IPO11: variants seen among roughly 807,000 people sequenced by gnomAD.
IPO11 encodes the protein importin-11.
A neutral mutation model predicts 143.2 loss-of-function variants in IPO11; 66 were observed. The observed-to-expected ratio is 0.46, with a 90% CI of 0.38 to 0.57. IPO11 has a LOEUF of 0.57. Ranked by LOEUF, IPO11 falls within the 20% of genes least tolerant of loss-of-function variation. The probability of loss-of-function intolerance (pLI) is 0.00; values close to 1 mark genes in which losing one functional copy is unlikely to be tolerated. For synonymous variants in IPO11, 385 were observed against 377.8 expected (o/e 1.02, Z -0.22); for missense variants, 1,026 against 1,141.0 (o/e 0.90, Z 1.45).
At chr5:62,560,585 A>G (rs999587428) in intron 26 of IPO11, 4 of 152,304 alleles carry the variant, frequency 2.6e-5, no homozygotes, top group African/African-American at 7.2e-5. Context: ...GAGTTTATAC[A>G]TAAAATTAGC....
chr5:62,495,828 G>A (rs575233828), intron 16 of IPO11, among the ~76,000 whole-genome samples: 3 of 152,212 alleles, frequency 2.0e-5, no homozygotes, highest in South Asian at 4.2e-4. Context: ...AAAGGAAAGA[G>A]AAAAATGAAT....
At chr5:62,563,359 G>A (rs1242070870) in intron 27 of IPO11, among the ~76,000 whole-genome samples, 3 of 152,146 alleles carry the variant, frequency 2.0e-5, no homozygotes, top group African/African-American at 7.2e-5. Flanking sequence ...AAAGTACTGA[G>A]ATTATTGAAA....
Position 62,598,411 on chromosome 5 carries a change from T to G in IPO11, c.2679-3353T>G, listed in dbSNP as rs1425067044. On this transcript the variant is annotated intron_variant, in intron 28 of 29. Transcript: ENST00000325324. ...TGCTTGCTTTCTTTCTTTCTTTCTTTCTTTCTTTCTTTCTTTCTTTCTCTC... is the reference window on the plus strand; with the variant it reads ...TGCTTGCTTTCTTTCTTTCTTTCTTGCTTTCTTTCTTTCTTTCTTTCTCTC... Among the ~76,000 whole-genome samples the G allele has an allele frequency of 1.8e-3, 19 of 10,820 alleles. 1 individual carries two copies. The East Asian group carries it at 0.023, about 13-fold the overall frequency. The allele number at this position is 10,820 out of a possible 152,430, so 7.1% of individuals were successfully genotyped here.
intron 1 of IPO11, among the ~76,000 whole-genome samples, chr5:62,420,028 C>G (rs80253772): frequency 1.3e-5 from 2 of 152,024 alleles, no homozygotes; most frequent in Admixed American, 6.6e-5. Context: ...TGGTGGCTCA[C>G]GCCTGTAATC....
chr5:62,467,689 A>G (rs2112193946), intron 6 of IPO11, among the ~76,000 whole-genome samples: 1 of 152,134 alleles, frequency 6.6e-6, no homozygotes, highest in Non-Finnish European at 1.5e-5. Flanking sequence ...CTTTCATCTT[A>G]GTGCCTCAGG....
chr5:62,624,410 GC>G (rs1746486848), intron 29 of IPO11, among the ~76,000 whole-genome samples: 1 of 152,208 alleles, frequency 6.6e-6, no homozygotes, highest in Non-Finnish European at 1.5e-5. Flanking sequence ...TACCACCATG[GC>G]ATTTGTAAAC....
At chr5:62,620,466 C>T (rs1364412166) in intron 29 of IPO11, among the ~76,000 whole-genome samples, 1 of 147,674 alleles carries the variant, frequency 6.8e-6, no homozygotes, top group Admixed American at 6.9e-5. Context: ...TTGCGGTGAG[C>T]CAAGATTGTG....
At chr5:62,491,453 C>T (rs1462883187) in intron 15 of IPO11, among the ~76,000 whole-genome samples, 3 of 152,056 alleles carry the variant, frequency 2.0e-5, no homozygotes, top group Non-Finnish European at 2.9e-5. Context: ...TCCTTAAACC[C>T]TAGAGGCTAT....
chr5:62,417,414 T>C (rs1001226017), intron 1 of IPO11, among the ~76,000 whole-genome samples: 2 of 150,148 alleles, frequency 1.3e-5, no homozygotes, highest in East Asian at 2.0e-4. Flanking sequence ...ACCATTGATA[T>C]CTTTGTTGCT....
intron 27 of IPO11, among the ~76,000 whole-genome samples, chr5:62,571,908 A>C (rs530237599): frequency 1.3e-5 from 2 of 151,606 alleles, no homozygotes; most frequent in South Asian, 4.2e-4. Flanking sequence ...CTGGTCTTCA[A>C]CTCCTGACCT....
chr5:62,414,660 A>G (rs1172818142), intron 1 of IPO11, among the ~76,000 whole-genome samples: 2 of 152,208 alleles, frequency 1.3e-5, no homozygotes, highest in Non-Finnish European at 2.9e-5. Flanking sequence ...ATTGTGGTAT[A>G]TAGCATCACC....
At chr5:62,479,202 T>C (rs1746090206) in intron 9 of IPO11, among the ~76,000 whole-genome samples, 2 of 152,202 alleles carry the variant, frequency 1.3e-5, no homozygotes, top group African/African-American at 4.8e-5. Context: ...TTTTCCGTCC[T>C]TGCGATAGTA....
chr5:62,474,960 G>A (rs753081410), intron 8 of IPO11, among the ~76,000 whole-genome samples: 5 of 152,124 alleles, frequency 3.3e-5, no homozygotes, highest in African/African-American at 4.8e-5. Context: ...ACTCAGAATG[G>A]TGCACAATTG....
At chr5:62,565,541 A>G (rs930842418) in intron 27 of IPO11, among the ~76,000 whole-genome samples, 1 of 152,214 alleles carries the variant, frequency 6.6e-6, no homozygotes, top group South Asian at 2.1e-4. Flanking sequence ...TTATGAAGAA[A>G]AGAAACAAAC....
chr5:62,526,280 A>G (rs1268702480), intron 21 of IPO11, 23 bp downstream of exon 21: 6 of 1,478,326 alleles, frequency 4.1e-6, no homozygotes, highest in Non-Finnish European at 4.7e-6. Context: ...ACTTAATACC[A>G]TGGATCTTAT....
rs1232793166 is a variant in IPO11, at chr5:62,495,418, G to A, written c.1590+1294G>A. Among the ~76,000 whole-genome samples the A allele has an allele frequency of 2.6e-5, 4 of 152,278 alleles. No homozygotes were observed. In the East Asian group the frequency reaches 7.7e-4, roughly 29 times the overall value. On this transcript the variant is annotated intron_variant, in intron 16 of 29. Coordinates refer to ENST00000325324, the MANE Select transcript of IPO11 (RefSeq NM_016338.5). ...TGATTTATGGATGTGTTACAAAAGG[G>A]TTAAATTTCAATTAAGTTTTCTTTG...
At chr5:62,499,846 T>TA (rs1455320600) in intron 16 of IPO11, among the ~76,000 whole-genome samples, 1 of 152,220 alleles carries the variant, frequency 6.6e-6, no homozygotes, top group Non-Finnish European at 1.5e-5. Flanking sequence ...TCTTAAAATC[T>TA]AAATCAAAGA....
intron 29 of IPO11, among the ~76,000 whole-genome samples, chr5:62,613,382 A>C: frequency 7.5e-6 from 1 of 134,180 alleles, no homozygotes; most frequent in Admixed American, 9.2e-5. Flanking sequence ...GGCTCACTGC[A>C]ACCTCTATCT....
At chr5:62,526,675 A>C (rs1473947781) in intron 21 of IPO11, 2 of 164,770 alleles carry the variant, frequency 1.2e-5, no homozygotes, top group Non-Finnish European at 1.3e-5. Context: ...TTACTGTTCT[A>C]CTGAGTAAAT....
Sources: gnomAD v4.1 joint callset for allele counts (sites outside exome capture counted in the v4.1 genomes callset) on GRCh38, gnomAD v4.1.1 for gene constraint, MANE v1.5 for transcripts, NCBI Gene and HGNC (gene_info 2026-07-23, HGNC 2026-07-21) for gene names.